Variants in GRM7 observed in about 807,000 individuals in gnomAD.
GRM7 encodes the protein metabotropic glutamate receptor 7.
In GRM7, 35 loss-of-function variants were observed where a neutral mutation model predicts 84.5. That is an observed-to-expected ratio of 0.41 (90% CI 0.32 to 0.55). The LOEUF is 0.55. Among genes scored for constraint, GRM7 ranks in the 20% least tolerant of loss-of-function variants. The pLI is 0.19. For missense variants in GRM7, 1,003 were observed against 1,194.6 expected (o/e 0.84, Z 2.36); for synonymous variants, 487 against 455.1 (o/e 1.07, Z -0.89).
chr3:6,868,186 A>G lies in GRM7; in HGVS notation c.519+6279A>G, dbSNP rs544121522. On this transcript the variant is annotated intron_variant, in intron 1 of 9. Transcript: ENST00000357716. ...TGTTCAGCTCAGGAAAGTGATTCTC[A>G]TAGCCCAAAGTCACATAGCTGGTAA... Among the ~76,000 whole-genome samples, 3 of 152,280 alleles carry G rather than the reference A, an allele frequency of 2.0e-5. No individual in the cohort carries two copies. In the East Asian group the frequency reaches 5.8e-4, roughly 29 times the overall value.
At chr3:7,525,704 T>C (rs1401882427) in intron 7 of GRM7, among the ~76,000 whole-genome samples, 4 of 152,038 alleles carry the variant, frequency 2.6e-5, no homozygotes, top group Non-Finnish European at 4.4e-5. Context: ...CTTTTTCTCC[T>C]CTCGTCCTCC....
intron 1 of GRM7, among the ~76,000 whole-genome samples, chr3:6,929,261 C>T (rs1697414578): frequency 6.6e-6 from 1 of 152,242 alleles, no homozygotes; most frequent in African/African-American, 2.4e-5. Context: ...AGCATCCACC[C>T]CTGCTCCTTG....
chr3:7,252,684 T>TTTTTCTTTTTTTCTTTTCTTTTTTTC (rs1698040064), intron 2 of GRM7, among the ~76,000 whole-genome samples: 6 of 118,264 alleles, frequency 5.1e-5, no homozygotes, highest in African/African-American at 1.3e-4. Context: ...TTCTTTTCTT[T>TTTTTCTTTTTTTCTTTTCTTTTTTTC]TTTTCTTTTC....
intron 7 of GRM7, among the ~76,000 whole-genome samples, chr3:7,474,195 T>C (rs3804960): frequency 0.36 from 55,193 of 152,052 alleles, 10,449 homozygotes; most frequent in African/African-American, 0.48. Context: ...TAATATACTG[T>C]TGTTGCTTAA....
At chr3:7,029,954 A>G (rs1553608673) in intron 1 of GRM7, among the ~76,000 whole-genome samples, 1 of 152,226 alleles carries the variant, frequency 6.6e-6, no homozygotes, top group Non-Finnish European at 1.5e-5. Flanking sequence ...TATCCTAGAG[A>G]AAAGAAAGTA....
chr3:7,180,483 C>T (rs1485552128), intron 2 of GRM7, among the ~76,000 whole-genome samples: 1 of 152,156 alleles, frequency 6.6e-6, no homozygotes, highest in Admixed American at 6.5e-5. Context: ...GAATGACCTA[C>T]ATTTTAATAT....
intron 1 of GRM7, among the ~76,000 whole-genome samples, chr3:6,999,058 G>T (rs2124872931): frequency 6.6e-6 from 1 of 152,234 alleles, no homozygotes; most frequent in Non-Finnish European, 1.5e-5. Flanking sequence ...CTATTGCATT[G>T]TCAGGCTGCA....
intron 8 of GRM7, among the ~76,000 whole-genome samples, chr3:7,662,789 T>C (rs763811783): frequency 7.9e-5 from 12 of 152,224 alleles, no homozygotes; most frequent in Non-Finnish European, 1.2e-4. Flanking sequence ...TATGTCAAAT[T>C]TTCTGAAAAA....
chr3:7,100,655 A>G (rs998355970), intron 1 of GRM7, among the ~76,000 whole-genome samples: 1 of 151,790 alleles, frequency 6.6e-6, no homozygotes, highest in South Asian at 2.1e-4. Context: ...ATTTACATAC[A>G]GTGAAATGCT....
At chr3:6,984,231 T>C (rs1463942532) in intron 1 of GRM7, among the ~76,000 whole-genome samples, 2 of 152,200 alleles carry the variant, frequency 1.3e-5, no homozygotes, top group Admixed American at 6.5e-5. Flanking sequence ...GAAGATGAGC[T>C]GTAAAGTCAT....
At chr3:7,456,478 G>C (rs1698016529) in intron 6 of GRM7, among the ~76,000 whole-genome samples, 1 of 149,266 alleles carries the variant, frequency 6.7e-6, no homozygotes, top group Non-Finnish European at 1.5e-5. Flanking sequence ...TAAGGAAACT[G>C]ATTCATGGGG....
intron 2 of GRM7, among the ~76,000 whole-genome samples, chr3:7,177,509 G>A (rs1695192615): frequency 7.1e-6 from 1 of 140,130 alleles, no homozygotes; most frequent in South Asian, 2.6e-4. Flanking sequence ...AAGAGAAGAA[G>A]GAATAAAGGA....
At chr3:7,237,726 G>C (rs538741402) in intron 2 of GRM7, among the ~76,000 whole-genome samples, 2 of 152,180 alleles carry the variant, frequency 1.3e-5, no homozygotes, top group African/African-American at 2.4e-5. Flanking sequence ...CTTCCACAGC[G>C]TGGAAGTGGA....
chr3:7,139,503 G>A (rs989954581), intron 1 of GRM7, among the ~76,000 whole-genome samples: 1 of 151,914 alleles, frequency 6.6e-6, no homozygotes, highest in Non-Finnish European at 1.5e-5. Context: ...TTTTGTAGAG[G>A]AGACACCTTG....
chr3:7,644,644 G>C (rs375966329), intron 8 of GRM7, among the ~76,000 whole-genome samples: 1 of 152,172 alleles, frequency 6.6e-6, no homozygotes, highest in Non-Finnish European at 1.5e-5. Flanking sequence ...GTAGTCCTGG[G>C]AATGTTAGCT....
chr3:7,573,901 C>A (rs1694829498), intron 7 of GRM7, among the ~76,000 whole-genome samples: 1 of 152,088 alleles, frequency 6.6e-6, no homozygotes, highest in African/African-American at 2.4e-5. Flanking sequence ...GTACCAAATG[C>A]AGAGAAAATG....
rs577997125 is a variant in GRM7 at position 6,868,685 on chromosome 3, T to A, written c.519+6778T>A. On this transcript the variant is annotated intron_variant, in intron 1 of 9. Coordinates refer to ENST00000357716, the MANE Select transcript of GRM7 (RefSeq NM_000844.4). ...CAAGTAGGGAAATCCATCATTCAGA[T>A]ATATGTGCAAAGTGAGAGGACTGTT... is the stretch of plus-strand genomic sequence containing the variant. 6.6e-5 allele frequency among the ~76,000 whole-genome samples: 10 copies of A among 152,292 alleles called. No homozygotes were observed. In the South Asian group the frequency reaches 1.7e-3, roughly 25 times the overall value.
At chr3:7,624,841 G>C (rs1016340726) in intron 8 of GRM7, among the ~76,000 whole-genome samples, 1 of 152,142 alleles carries the variant, frequency 6.6e-6, no homozygotes, top group African/African-American at 2.4e-5. Flanking sequence ...GGAAACATGA[G>C]AAGGATTTGA....
chr3:7,539,014 C>G (rs569384096), intron 7 of GRM7, among the ~76,000 whole-genome samples: 36 of 152,126 alleles, frequency 2.4e-4, no homozygotes, highest in Non-Finnish European at 5.0e-4. Flanking sequence ...ATTAACTGTC[C>G]CTTTGCCAAA....
Sources: gnomAD v4.1 joint callset for allele counts (sites outside exome capture counted in the v4.1 genomes callset) on GRCh38, gnomAD v4.1.1 for gene constraint, MANE v1.5 for transcripts, NCBI Gene and HGNC (gene_info 2026-07-23, HGNC 2026-07-21) for gene names.